FASN: variants seen among roughly 807,000 people sequenced by gnomAD.
The protein encoded by FASN is fatty acid synthase, also known as 3-hydroxyacyl-[acyl-carrier-protein] dehydratase.
Under a neutral mutation model 250.0 loss-of-function variants are expected in FASN, and 50 were observed. The ratio of observed to expected loss-of-function variants is 0.20; its 90% CI spans 0.16 to 0.25. The LOEUF is 0.25. Among genes scored for constraint, FASN ranks in the 10% least tolerant of loss-of-function variants. FASN has a pLI of 1.00. For missense variants in FASN, 3,031 were observed against 3,498.5 expected (o/e 0.87, Z 3.37); for synonymous variants, 1,909 against 1,584.0 (o/e 1.21, Z -4.87).
At chr17:82,096,218 C>T in intron 2 of FASN, 101 bp downstream of exon 2, 1 of 1,575,344 alleles carries the variant, frequency 6.3e-7, no homozygotes, top group African/African-American at 1.3e-5. Context: ...CAGGCCAGTG[C>T]CTGGGTGGTG....
Position 82,093,279 on chromosome 17 carries a change from G to C in FASN, c.595C>G (p.Gln199Glu). ...CTGAGCATCCCCAGCCTCAAGAACT[G>C]CACGGAGGTGTTGGGCTTCAGCAGG... ...NVLLKPNTSV[Q>E]FLRLGMLSPE... The change falls in exon 5 of 43, where the codon CAG (glutamine) becomes GAG (glutamate). Residue 199 changes from glutamine to glutamate, a missense_variant. Physicochemically the swap from Gln to Glu is conservative, Grantham distance 29. Coordinates refer to ENST00000306749, the MANE Select transcript of FASN (RefSeq NM_004104.5). 6.3e-7 allele frequency: 1 copy of C among 1,596,038 alleles called. No homozygotes were observed. Among genetic ancestry groups the C allele is most frequent in the Non-Finnish European group, 8.5e-7 (1 of 1,172,270 alleles).
At position 82,083,915 on chromosome 17, in the gene FASN, T is replaced by C. The variant is rs779898169; in HGVS notation, c.5099-24A>G. 1.2e-5 allele frequency: 19 copies of C among 1,555,062 alleles called. 2 individuals carry two copies. The South Asian group carries it at 2.2e-4, about 18-fold the overall frequency. On this transcript the variant is annotated intron_variant, in intron 29 of 42. Coordinates refer to ENST00000306749, the MANE Select transcript of FASN (RefSeq NM_004104.5). The stretch of plus-strand genomic sequence containing the variant: ...CCCTGGTGAAGAGAGGAAGCGCGGC[T>C]GGTGAGCCAGGGCGGCGGGGCCAGG...
At chr17:82,087,551 G>T in intron 19 of FASN, 47 bp from the exon 20 acceptor site, 1 of 1,607,812 alleles carries the variant, frequency 6.2e-7, no homozygotes. Context: ...AGGTCCCTGG[G>T]GCCACCTCCC....
rs1377908365 is a variant in FASN at position 82,085,535 on chromosome 17, C to T, written c.4069G>A (p.Val1357Met). The T allele has an allele frequency of 3.1e-6, 5 of 1,595,354 alleles. No individual in the cohort carries two copies. The highest frequency in any genetic ancestry group is 1.3e-5 in the African/African-American group (1 of 74,614). ...LLRGHPLGDI[V>M]AFLTSTEPQY... ...GGCTCAGTGGAGGTGAGGAAGGCCA[C>T]GATGTCCCCGAGGGGGTGCCCCCGG... Residue 1357 changes from valine to methionine, a missense_variant, in exon 23 of 43, where the codon GTG becomes ATG. By Grantham distance (21) the Val-to-Met change is conservative. Coordinates refer to ENST00000306749, the MANE Select transcript of FASN (RefSeq NM_004104.5).
intron 8 of FASN, 58 bp from the exon 9 acceptor site, chr17:82,091,742 T>G: frequency 6.9e-7 from 1 of 1,451,164 alleles, no homozygotes; most frequent in East Asian, 2.5e-5. Context: ...CTGCCTGAGC[T>G]GGGGGCAGGC....
chr17:82,094,760 A>G (rs749869103), intron 3 of FASN, among the ~76,000 whole-genome samples: 79 of 151,884 alleles, frequency 5.2e-4, no homozygotes, highest in Non-Finnish European at 7.1e-4. Flanking sequence ...CTGCACTCCA[A>G]CCTGGTGACA....
chr17:82,084,555 T>C lies in FASN; in HGVS notation c.4726A>G (p.Ile1576Val). The change falls in exon 27 of 43, where the codon ATC becomes GTC. Residue 1576 changes from isoleucine (I) to valine (V), a missense_variant. Ile to Val is a conservative substitution (Grantham distance 29). Transcript: ENST00000306749. Reference sequence around the variant, plus strand: ...GACAGCTTGCCAGTGGCCAGCATGATGTCGCGGAAGTTGAGGGAGGCGTAG... The same window carrying C: ...GACAGCTTGCCAGTGGCCAGCATGACGTCGCGGAAGTTGAGGGAGGCGTAG... The part of the protein sequence containing the change: ...VYYASLNFRD[I>V]MLATGKLSPD... The C allele has an allele frequency of 2.5e-6, 4 of 1,611,838 alleles. No homozygotes were observed. Among genetic ancestry groups the C allele is most frequent in the Non-Finnish European group, 3.4e-6 (4 of 1,179,614 alleles).
At chr17:82,090,294 CCAGGG>C in intron 11 of FASN, 76 bp downstream of exon 11, 1 of 1,412,234 alleles carries the variant, frequency 7.1e-7, no homozygotes, top group Non-Finnish European at 9.6e-7. Flanking sequence ...GGGGGCCAGG[CCAGGG>C]CTGCAGGTGA....
In FASN at chr17:82,092,916, T is replaced by A; in HGVS notation, c.759A>T (p.Thr253=). The A allele has an allele frequency of 6.2e-7, 1 of 1,605,292 alleles. No homozygotes were observed. The highest frequency in any genetic ancestry group is 8.5e-7 in the Non-Finnish European group (1 of 1,176,684). The change falls in exon 6 of 43, where the codon ACA becomes ACT. Residue 253 remains threonine, a synonymous_variant. Transcript: ENST00000306749. The stretch of plus-strand genomic sequence containing the variant: ...GCCCACCTTGCTCCTTGAAGCCATC[T>A]GTATTGGTGCCGGCGTTCAGGATGG... ...YATILNAGTN[T]DGFKEQGVTF...
In FASN at chr17:82,080,783, G is replaced by A; in HGVS notation, c.6735C>T (p.Phe2245=). The change falls in exon 39 of 43, where the codon TTC becomes TTT. Residue 2245 remains phenylalanine, a synonymous_variant. Transcript: ENST00000306749. The part of the protein sequence containing the change: ...NSVQSSERPL[F]LVHPIEGSTT... ...TGGAGCCCTCGATTGGGTGCACCAGGAACAGGGGCCGCTCCGAGCTCTGCA... is the reference window on the plus strand; with the variant it reads ...TGGAGCCCTCGATTGGGTGCACCAGAAACAGGGGCCGCTCCGAGCTCTGCA... 6.2e-7 allele frequency: 1 copy of A among 1,605,098 alleles called. No homozygotes were observed. Among genetic ancestry groups the A allele is most frequent in the East Asian group, 2.2e-5 (1 of 44,552 alleles).
At chr17:82,097,814 G>A (rs2034330316) in intron 1 of FASN, among the ~76,000 whole-genome samples, 3 of 152,072 alleles carry the variant, frequency 2.0e-5, no homozygotes, top group Admixed American at 2.0e-4. Context: ...GCGCGGGGAG[G>A]CCGAGCCGGG....
chr17:82,083,890 C>G lies in FASN; in HGVS notation c.5100G>C (p.Gly1700=), dbSNP rs933646534. The change falls in exon 30 of 43, where the codon GGG becomes GGC. Residue 1700 remains glycine, a splice_region_variant and synonymous_variant. Transcript: ENST00000306749. ...GGAGGTACGCCCGCTTCTCAGCCGA[C>G]CCTGGTGAAGAGAGGAAGCGCGGCT... ...SLGCRVFTTV[G]SAEKRAYLQA... The G allele has an allele frequency of 6.4e-7, 1 of 1,564,858 alleles. No homozygotes were observed. Among genetic ancestry groups the G allele is most frequent in the Admixed American group, 1.9e-5 (1 of 51,826 alleles).
chr17:82,081,654 T>C lies in FASN; in HGVS notation c.6353A>G (p.Tyr2118Cys). 6.2e-7 allele frequency: 1 copy of C among 1,612,758 alleles called. No individual in the cohort carries two copies. Among genetic ancestry groups the C allele is most frequent in the Non-Finnish European group, 8.5e-7 (1 of 1,179,992 alleles). ...GTCCCGCTGGCTGTCCCTGTCCCTA[T>C]AGGCCGCAGCCTTCTCAGCCAGCAC... is the stretch of plus-strand genomic sequence containing the variant. ...SFVLAEKAAA[Y>C]RDRDSQRDLV... The change falls in exon 37 of 43, where the codon TAT (tyrosine) becomes TGT (cysteine). Residue 2118 changes from tyrosine to cysteine, a missense_variant. Coordinates refer to ENST00000306749, the MANE Select transcript of FASN (RefSeq NM_004104.5).
chr17:82,098,082 C>T (rs1598586919), intron 1 of FASN, 39 bp downstream of exon 1: 5 of 330,654 alleles, frequency 1.5e-5, no homozygotes, highest in South Asian at 1.4e-4. Flanking sequence ...CAGCCCCGAC[C>T]ACGACCCGCG....
At position 82,093,208 on chromosome 17, in the gene FASN, C is replaced by T. The variant is rs369008545; in HGVS notation, c.655+11G>A. The T allele has an allele frequency of 4.1e-4, 641 of 1,569,258 alleles. No individual in the cohort carries two copies. Among genetic ancestry groups the T allele is most frequent in the Non-Finnish European group, 5.0e-4 (578 of 1,158,198 alleles). On this transcript the variant is annotated intron_variant, in intron 5 of 42. Coordinates refer to ENST00000306749, the MANE Select transcript of FASN (RefSeq NM_004104.5). ...GTCCCGCCTGCCCTGGCCGCGCAGC[C>T]GCACACTCACCCGCTGTGTCGAAGG...
intron 28 of FASN, 25 bp from the exon 29 acceptor site, chr17:82,084,178 C>T (rs750766718): frequency 2.5e-6 from 4 of 1,605,898 alleles, no homozygotes; most frequent in Non-Finnish European, 3.4e-6. Flanking sequence ...GGTGGGTCAG[C>T]ACAGGCCTGG....
rs779052980 is a variant in FASN, at chr17:82,088,744, G to A, written c.2420+17C>T. 1.9e-6 allele frequency: 3 copies of A among 1,604,130 alleles called. No homozygotes were observed. Among genetic ancestry groups the A allele is most frequent in the Admixed American group, 3.3e-5 (2 of 59,980 alleles). On this transcript the variant is annotated intron_variant, in intron 15 of 42. Transcript: ENST00000306749. ...CCCGACTCCGGGAGACGAGACCCGG[G>A]CTGGGAAGGGACCCACCCTGAGAGG... is the stretch of plus-strand genomic sequence containing the variant.
chr17:82,079,019 G>C lies in FASN; in HGVS notation c.*124C>G. On this transcript the variant is annotated 3_prime_UTR_variant, in exon 43 of 43. Transcript: ENST00000306749. The stretch of plus-strand genomic sequence containing the variant: ...CACCTACATCTAGCAGCCTCGGGGG[G>C]CAGTGGCACTGGGCCGGACAGGGTC... The C allele has an allele frequency of 1.7e-6, 2 of 1,143,368 alleles. No individual in the cohort carries two copies. Among genetic ancestry groups the C allele is most frequent in the East Asian group, 5.2e-5 (2 of 38,768 alleles). 70.8% of individuals were successfully genotyped at this position (1,143,368 alleles called of 1,614,324 possible).
At position 82,085,876 on chromosome 17, in the gene FASN, A is replaced by G. The variant is rs2034089801; in HGVS notation, c.3733-5T>C. ...GTGACCGTGGCCAGCCAGCACCTGTAGGGGGTGAATTCTGGAATCAGCCCC... is the reference window on the plus strand; with the variant it reads ...GTGACCGTGGCCAGCCAGCACCTGTGGGGGGTGAATTCTGGAATCAGCCCC... On this transcript the variant is annotated splice_region_variant and splice_polypyrimidine_tract_variant and intron_variant, in intron 22 of 42. Transcript: ENST00000306749. 6.5e-7 allele frequency: 1 copy of G among 1,530,192 alleles called. No individual in the cohort carries two copies. Among genetic ancestry groups the G allele is most frequent in the Non-Finnish European group, 8.8e-7 (1 of 1,142,404 alleles). 94.8% of individuals were successfully genotyped at this position (1,530,192 alleles called of 1,614,324 possible).
Sources: allele counts gnomAD v4.1 joint callset (sites outside exome capture counted in the v4.1 genomes callset), GRCh38; gene constraint gnomAD v4.1.1; transcripts MANE v1.5; gene names NCBI Gene and HGNC (gene_info 2026-07-23, HGNC 2026-07-21).